The following LARS2 variants were observed in gnomAD, a reference collection of about 807,000 sequenced individuals.
LARS2 encodes leucyl-tRNA synthetase 2, mitochondrial, also known as leucine--tRNA ligase, mitochondrial.
LARS2 carries 81 observed loss-of-function variants against 116.6 expected under a neutral mutation model. That is an observed-to-expected ratio of 0.69 (90% confidence interval 0.58 to 0.84). LARS2 has a LOEUF of 0.84. Ranked by LOEUF, LARS2 falls within the 40% of genes least tolerant of loss-of-function variation. The pLI, the probability that LARS2 is intolerant of heterozygous loss-of-function variation, is 0.00. For synonymous variants in LARS2, 396 were observed against 407.2 expected (o/e 0.97, Z 0.33); for missense variants, 968 against 1,114.5 (o/e 0.87, Z 1.87).
intron 12 of LARS2, among the ~76,000 whole-genome samples, chr3:45,489,435 G>T (rs757079423): frequency 6.6e-6 from 1 of 151,434 alleles, no homozygotes; most frequent in Non-Finnish European, 1.5e-5. Flanking sequence ...TCACAGCCTG[G>T]CCCCCACCCC....
rs1456792064 is a variant in LARS2 at position 45,403,130 on chromosome 3, A to AAAAAAAAAT, written c.363+2758_363+2759insAAAAAAATA. 9.1e-4 allele frequency among the ~76,000 whole-genome samples: 137 copies of AAAAAAAAAT among 150,392 alleles called. 3 individuals carry two copies. Among genetic ancestry groups the AAAAAAAAAT allele is most frequent in the African/African-American group, 3.3e-3 (133 of 40,684 alleles). ...CCAAAGACAAAAAAAAAAAAAAAAAAAGAAAGATGTGGGACAGAATGAATT... is the reference window on the plus strand; with the variant it reads ...CCAAAGACAAAAAAAAAAAAAAAAAAAAAAAAAATAGAAAGATGTGGGACAGAATGAATT... On this transcript the variant is annotated intron_variant, in intron 4 of 21. Coordinates refer to ENST00000645846, the MANE Select transcript of LARS2 (RefSeq NM_015340.4).
rs1700011202 is a variant in LARS2 at position 45,496,359 on chromosome 3, T to C, written c.1608T>C (p.Pro536=). ...GGTACTACTTCAGATACACTGACCC[T>C]CATAATCCACACAGGTAAAACGTCC... ...SAWYYFRYTD[P]HNPHSPFNTA... is the part of the protein sequence containing the mutation. The change falls in exon 14 of 22, where the codon CCT becomes CCC. Residue 536 remains proline, a synonymous_variant. Transcript: ENST00000645846. 1.2e-6 allele frequency: 2 copies of C among 1,613,058 alleles called. No individual in the cohort carries two copies. The highest frequency in any genetic ancestry group is 4.5e-5 in the East Asian group (2 of 44,868).
At chr3:45,429,630 T>C (rs1269771673) in intron 6 of LARS2, among the ~76,000 whole-genome samples, 2 of 152,080 alleles carry the variant, frequency 1.3e-5, no homozygotes, top group Non-Finnish European at 2.9e-5. Context: ...AACTAACATA[T>C]TCACAGGTTC....
At chr3:45,477,313 C>T (rs1399207974) in intron 10 of LARS2, among the ~76,000 whole-genome samples, 1 of 152,268 alleles carries the variant, frequency 6.6e-6, no homozygotes, top group African/African-American at 2.4e-5. Flanking sequence ...AGAGGCAGTC[C>T]GAAGGGGGAC....
intron 6 of LARS2, among the ~76,000 whole-genome samples, chr3:45,420,965 A>T (rs1164825060): frequency 6.6e-6 from 1 of 152,224 alleles, no homozygotes; most frequent in Non-Finnish European, 1.5e-5. Flanking sequence ...TTTATTTTGG[A>T]ATTATAAACA....
chr3:45,479,207 A>C (rs1413657875), intron 10 of LARS2, among the ~76,000 whole-genome samples: 1 of 152,174 alleles, frequency 6.6e-6, no homozygotes, highest in East Asian at 1.9e-4. Flanking sequence ...CATATGACTT[A>C]AGGAAGGTCA....
intron 4 of LARS2, among the ~76,000 whole-genome samples, chr3:45,405,663 A>C (rs1559457728): frequency 6.6e-6 from 1 of 152,202 alleles, no homozygotes; most frequent in Non-Finnish European, 1.5e-5. Flanking sequence ...TTCATGGGCT[A>C]GTTCTTGGTG....
chr3:45,411,240 C>G (rs886400109), intron 4 of LARS2, among the ~76,000 whole-genome samples: 3 of 152,148 alleles, frequency 2.0e-5, no homozygotes, highest in Admixed American at 2.0e-4. Flanking sequence ...ACTGGCCCTG[C>G]CGGCATTTAT....
chr3:45,402,664 C>G (rs1698173326), intron 4 of LARS2, among the ~76,000 whole-genome samples: 1 of 152,330 alleles, frequency 6.6e-6, no homozygotes, highest in South Asian at 2.1e-4. Flanking sequence ...GTCTTTGTCA[C>G]TTGAAGAGTT....
At chr3:45,516,065 C>A in intron 16 of LARS2, 29 bp from the exon 17 acceptor site, 1 of 1,593,424 alleles carries the variant, frequency 6.3e-7, no homozygotes. Context: ...ATGACACATA[C>A]CATACCTATG....
chr3:45,466,576 G>C (rs1362329788), intron 8 of LARS2, among the ~76,000 whole-genome samples: 1 of 151,980 alleles, frequency 6.6e-6, no homozygotes, highest in East Asian at 1.9e-4. Flanking sequence ...CCTTCCCAGG[G>C]GGCTGATTGC....
At chr3:45,464,319 C>T (rs1255737693) in intron 8 of LARS2, among the ~76,000 whole-genome samples, 1 of 152,174 alleles carries the variant, frequency 6.6e-6, no homozygotes. Context: ...GAGGCAGGGT[C>T]CAGCCTCCAA....
chr3:45,523,729 G>T (rs140004018), intron 19 of LARS2, among the ~76,000 whole-genome samples: 200 of 151,716 alleles, frequency 1.3e-3, no homozygotes, highest in Admixed American at 3.4e-3. Flanking sequence ...TAGAGATGAG[G>T]TCTCACTATA....
In LARS2 at chr3:45,486,542, T is replaced by C. The variant is rs56798783; in HGVS notation, c.1123+746T>C. 8.5e-3 allele frequency among the ~76,000 whole-genome samples: 1,298 copies of C among 152,290 alleles called. 16 individuals are homozygous for C. Among genetic ancestry groups the C allele is most frequent in the African/African-American group, 0.022 (911 of 41,572 alleles). On this transcript the variant is annotated intron_variant, in intron 11 of 21. Transcript: ENST00000645846. ...GCCAGTCCCCAGAGTCCCGAAACCTTGCAGAGAAAGTTATTTCCACACTAT... is the reference window on the plus strand; with the variant it reads ...GCCAGTCCCCAGAGTCCCGAAACCTCGCAGAGAAAGTTATTTCCACACTAT...
intron 7 of LARS2, among the ~76,000 whole-genome samples, chr3:45,452,141 A>G (rs2125707101): frequency 6.6e-6 from 1 of 152,290 alleles, no homozygotes; most frequent in East Asian, 1.9e-4. Context: ...AACAAGAATA[A>G]TTTGACTTCT....
chr3:45,468,546 C>T (rs1286481562), intron 8 of LARS2, among the ~76,000 whole-genome samples: 3 of 152,216 alleles, frequency 2.0e-5, no homozygotes, highest in Non-Finnish European at 4.4e-5. Context: ...GAAGCAATCT[C>T]ATCAGACAGG....
Position 45,524,081 on chromosome 3 carries a change from C to T in LARS2, c.2377C>T (p.Pro793Ser). 1 of 1,612,570 alleles carries T rather than the reference C, an allele frequency of 6.2e-7. No homozygotes were observed. The highest frequency in any genetic ancestry group is 8.5e-7 in the Non-Finnish European group (1 of 1,178,602). The change falls in exon 20 of 22, where the codon CCT (proline) becomes TCT (serine). Residue 793 changes from proline to serine, a missense_variant. Pro to Ser is a moderately conservative substitution (Grantham distance 74). Transcript: ENST00000645846. The stretch of plus-strand genomic sequence containing the variant: ...GATGGTAATGGCTGCTCCACTGGCC[C>T]CTCATGTAACCTCAGAGATCTGGGC... ...ALMVMAAPLA[P>S]HVTSEIWAGL...
At chr3:45,448,571 G>C (rs571458912) in intron 7 of LARS2, among the ~76,000 whole-genome samples, 4 of 152,116 alleles carry the variant, frequency 2.6e-5, no homozygotes, top group Non-Finnish European at 5.9e-5. Context: ...TGAGAGCCCC[G>C]AACAGAGATT....
intron 4 of LARS2, among the ~76,000 whole-genome samples, chr3:45,410,361 G>A (rs1410162798): frequency 6.8e-6 from 1 of 146,876 alleles, no homozygotes; most frequent in East Asian, 2.0e-4. Flanking sequence ...AGAAAGAATT[G>A]CAGAACTTAG....
Sources: gnomAD v4.1 joint callset for allele counts (sites outside exome capture counted in the v4.1 genomes callset) on GRCh38, gnomAD v4.1.1 for gene constraint, MANE v1.5 for transcripts, NCBI Gene and HGNC (gene_info 2026-07-23, HGNC 2026-07-21) for gene names.